CSF2RA: variants seen among roughly 807,000 people sequenced by gnomAD.
CSF2RA encodes colony stimulating factor 2 receptor subunit alpha.
In CSF2RA, 42 loss-of-function variants were observed where a neutral mutation model predicts 51.6. That is an observed-to-expected ratio of 0.81 (90% confidence interval 0.64 to 1.05). CSF2RA has a LOEUF of 1.05. CSF2RA is among the 50% of genes least tolerant of loss of function. The pLI, the probability that CSF2RA is intolerant of heterozygous loss-of-function variation, is 0.00. For missense variants in CSF2RA, 530 were observed against 501.1 expected (o/e 1.06, Z -0.55); for synonymous variants, 222 against 193.0 (o/e 1.15, Z -1.24).
rs1418501378 is a variant in CSF2RA, at chrX:1,294,388, G to T, written c.707G>T (p.Arg236Leu). Residue 236 changes from arginine (R) to leucine (L), a missense_variant, in exon 8 of 13, where the codon CGG (arginine) becomes CTG (leucine). Arg to Leu is a moderately radical substitution (Grantham distance 102, BLOSUM62 -2). Coordinates refer to ENST00000381529, the MANE Select transcript of CSF2RA (RefSeq NM_172245.4). Reference protein sequence around the residue: ...VRCNTTHCLVRWKQPRTYQKL... With the variant: ...VRCNTTHCLVLWKQPRTYQKL... Reference sequence around the variant, plus strand: ...TGCAACACGACGCACTGCCTCGTACGGTGGAAACAGCCCAGGACCTATCAG... The same window carrying T: ...TGCAACACGACGCACTGCCTCGTACTGTGGAAACAGCCCAGGACCTATCAG... 6.2e-7 allele frequency: 1 copy of T among 1,613,824 alleles called. No homozygotes were observed. The highest frequency in any genetic ancestry group is 1.3e-5 in the African/African-American group (1 of 74,916).
At chrX:1,293,181 A>G (rs1261267670) in intron 7 of CSF2RA, among the ~76,000 whole-genome samples, 3 of 151,656 alleles carry the variant, frequency 2.0e-5, no homozygotes, top group Admixed American at 6.6e-5. Flanking sequence ...TCCTTTCTAC[A>G]TAGACACAGT....
chrX:1,318,761 C>T, the CSF2RA span, among the ~76,000 whole-genome samples: 1 of 150,510 alleles, frequency 6.6e-6, no homozygotes, highest in African/African-American at 2.4e-5. Flanking sequence ...ACTAAAAGTA[C>T]AAAAAATGAG....
the CSF2RA span, among the ~76,000 whole-genome samples, chrX:1,324,446 GAAAGAA>G: frequency 1.6e-5 from 1 of 63,126 alleles, no homozygotes; most frequent in African/African-American, 3.8e-5. Flanking sequence ...AGAGAAAAAA[GAAAGAA>G]AAAGAAAGAG....
chrX:1,318,871 C>T, the CSF2RA span, among the ~76,000 whole-genome samples: 9 of 146,594 alleles, frequency 6.1e-5, no homozygotes, highest in Non-Finnish European at 1.3e-4. Context: ...GAGCCGAGAT[C>T]GTGCCACTGC....
chrX:1,289,698 G>GTTTTC (rs1188471353), intron 6 of CSF2RA, among the ~76,000 whole-genome samples: 1 of 141,218 alleles, frequency 7.1e-6, no homozygotes, highest in African/African-American at 2.6e-5. Context: ...TTTTTGTTTT[G>GTTTTC]TGTTTTTTTG....
chrX:1,317,246 C>CCTTTTTTTTTTTTT, the CSF2RA span, among the ~76,000 whole-genome samples: 2 of 57,828 alleles, frequency 3.5e-5, no homozygotes, highest in African/African-American at 1.5e-4. Flanking sequence ...CCACGCTCAG[C>CCTTTTTTTTTTTTT]TTTTTTTTTT....
Position 1,274,831 on chromosome X carries a change from T to A in CSF2RA, c.-27+13T>A. On this transcript the variant is annotated intron_variant, in intron 2 of 12. Transcript: ENST00000381529. The stretch of plus-strand genomic sequence containing the variant: ...TGCGTAGAACCCTGTACGTGCTTCC[T>A]TCGGCCTGTCGGTAATGTGGTTGGG... The A allele has an allele frequency of 2.2e-6, 1 of 453,566 alleles. No individual in the cohort carries two copies. The highest frequency in any genetic ancestry group is 4.4e-6 in the Non-Finnish European group (1 of 226,680). The allele number at this position is 453,566 out of a possible 1,614,324, so 28.1% of individuals were successfully genotyped here.
At chrX:1,325,148 C>T in the CSF2RA span, among the ~76,000 whole-genome samples, 2 of 150,728 alleles carry the variant, frequency 1.3e-5, no homozygotes, top group Admixed American at 6.7e-5. Context: ...ATCAAGAGGT[C>T]GGGAGATCGA....
chrX:1,294,481 G>A lies in CSF2RA; in HGVS notation c.780+20G>A, dbSNP rs778843169. 1 of 1,609,300 alleles carries A rather than the reference G, an allele frequency of 6.2e-7. No individual in the cohort carries two copies. Among genetic ancestry groups the A allele is most frequent in the East Asian group, 2.2e-5 (1 of 44,886 alleles). On this transcript the variant is annotated intron_variant, in intron 8 of 12. Transcript: ENST00000381529. ...AGAAAGGTCGGTGAGAGCTCCCCGG[G>A]GCTGGGCACCAGGAGGGAGGCGTAC... is the stretch of plus-strand genomic sequence containing the variant.
the CSF2RA span, among the ~76,000 whole-genome samples, chrX:1,323,965 G>GAT: frequency 6.6e-6 from 1 of 151,576 alleles, no homozygotes; most frequent in Admixed American, 6.6e-5. Flanking sequence ...GGTGAGCCAA[G>GAT]ATCACCCCAC....
intron 9 of CSF2RA, chrX:1,295,726 C>A (rs1488406884): frequency 2.3e-5 from 15 of 648,788 alleles, no homozygotes; most frequent in East Asian, 1.3e-4. Context: ...AGGAGGAGAC[C>A]CTGCCCCACC....
intron 12 of CSF2RA, among the ~76,000 whole-genome samples, chrX:1,308,163 C>T (rs2083868502): frequency 6.6e-6 from 1 of 152,152 alleles, no homozygotes; most frequent in Non-Finnish European, 1.5e-5. Context: ...GTGGACTTGA[C>T]ATCTACAAAG....
At chrX:1,314,858 A>ACCTGCCCAACCCCACTGTG (rs1569515053), downstream of CSF2RA, among the ~76,000 whole-genome samples, 59 of 61,048 alleles carry the variant, frequency 9.7e-4, 1 homozygote, top group Non-Finnish European at 1.4e-3. Flanking sequence ...ATCCCACTGC[A>ACCTGCCCAACCCCACTGTG]CCTGCCCAAC....
chrX:1,281,669 A>G (rs1227435174), intron 2 of CSF2RA, among the ~76,000 whole-genome samples: 1 of 151,960 alleles, frequency 6.6e-6, no homozygotes, highest in Non-Finnish European at 1.5e-5. Flanking sequence ...CCCAACGCCA[A>G]CCAACTCCGG....
At chrX:1,314,592 A>G (rs62603313), downstream of CSF2RA, among the ~76,000 whole-genome samples, 2,796 of 11,778 alleles carry the variant, frequency 0.24, 823 homozygotes, top group Non-Finnish European at 0.4. Flanking sequence ...ACCCCACTGC[A>G]CCTGCCCAAC....
chrX:1,286,136 C>G (rs1362577731), intron 4 of CSF2RA, among the ~76,000 whole-genome samples: 4 of 150,934 alleles, frequency 2.7e-5, no homozygotes, highest in East Asian at 2.0e-4. Context: ...GCCGGGCGTG[C>G]TGGTGCATGC....
chrX:1,315,448 G>C, the CSF2RA span, among the ~76,000 whole-genome samples: 3 of 152,118 alleles, frequency 2.0e-5, no homozygotes, highest in East Asian at 5.8e-4. Context: ...CTGTCACCCA[G>C]GCTGGAGTGC....
Position 1,286,818 on chromosome X carries a change from G to A in CSF2RA, c.219+898G>A, listed in dbSNP as rs189772956. 4.7e-4 allele frequency among the ~76,000 whole-genome samples: 71 copies of A among 152,254 alleles called. 1 individual carries two copies. The highest frequency in any genetic ancestry group is 1.7e-3 in the African/African-American group (70 of 41,552). ...AGTTGGATGTGCCCCTGGGTCTGTG[G>A]TGGAAGCAGGACGGAGAAAAGTAAA... On this transcript the variant is annotated intron_variant, in intron 4 of 12. Transcript: ENST00000381529.
chrX:1,301,376 C>A (rs1399475112), intron 10 of CSF2RA, among the ~76,000 whole-genome samples: 2 of 145,224 alleles, frequency 1.4e-5, no homozygotes, highest in South Asian at 2.2e-4. Flanking sequence ...AGGAGGTGGT[C>A]TCATACTCAT....
Sources: gnomAD v4.1 joint callset for allele counts (sites outside exome capture counted in the v4.1 genomes callset) on GRCh38, gnomAD v4.1.1 for gene constraint, MANE v1.5 for transcripts, NCBI Gene and HGNC (gene_info 2026-07-23, HGNC 2026-07-21) for gene names.